PAM: variants seen among roughly 807,000 people sequenced by gnomAD.
The protein encoded by PAM is peptidylglycine alpha-amidating monooxygenase.
In PAM, 72 loss-of-function variants were observed where a neutral mutation model predicts 122.1. The observed-to-expected ratio is 0.59, with a 90% CI of 0.49 to 0.72. The LOEUF is 0.72. Among genes scored for constraint, PAM ranks in the 30% least tolerant of loss-of-function variants. PAM has a pLI of 0.00. For missense variants in PAM, 1,106 were observed against 1,183.7 expected, an observed-to-expected ratio of 0.93 and a Z score of 0.96; for synonymous variants, 389 against 404.4, an observed-to-expected ratio of 0.96 and a Z score of 0.46.
intron 7 of PAM, among the ~76,000 whole-genome samples, chr5:102,932,794 C>A (rs1348614330): frequency 6.6e-6 from 1 of 152,008 alleles, no homozygotes; most frequent in East Asian, 1.9e-4. Context: ...TCCCCTTCTC[C>A]CTTTTCTTCA....
In PAM at chr5:102,769,771, G is replaced by A. The variant is rs868288003; in HGVS notation, c.-374+14423G>A. Among the ~76,000 whole-genome samples, 3 of 152,100 alleles carry A rather than the reference G, an allele frequency of 2.0e-5. No individual in the cohort carries two copies. In the South Asian group the frequency reaches 6.2e-4, roughly 31 times the overall value. On this transcript the variant is annotated intron_variant, in intron 1 of 25. Coordinates refer to ENST00000438793, the MANE Select transcript of PAM (RefSeq NM_001177306.2). The stretch of plus-strand genomic sequence containing the variant: ...TTATTAGAGCTGTGTGGTATAATTT[G>A]AAGTCAGTTAATGTGATTCCTCTGG...
rs372626572 is a variant in PAM at position 102,950,416 on chromosome 5, G to GGGGTGTGTGTGTGTGTGTGT, written c.802-300_802-299insGGTGTGTGTGTGTGTGTGTG. Among the ~76,000 whole-genome samples, 283 of 146,056 alleles carry GGGGTGTGTGTGTGTGTGTGT rather than the reference G, an allele frequency of 1.9e-3. 2 individuals are homozygous for GGGGTGTGTGTGTGTGTGTGT. Among genetic ancestry groups the GGGGTGTGTGTGTGTGTGTGT allele is most frequent in the African/African-American group, 5.0e-3 (196 of 39,006 alleles). On this transcript the variant is annotated intron_variant, in intron 11 of 25. Coordinates refer to ENST00000438793, the MANE Select transcript of PAM (RefSeq NM_001177306.2). ...CAGTGATTATTTGTGTATGTGGGTGGGTGTGTGTGTGTGTGTGTGTGTGTC... is the reference window on the plus strand; with the variant it reads ...CAGTGATTATTTGTGTATGTGGGTGGGGGTGTGTGTGTGTGTGTGTGTGTGTGTGTGTGTGTGTGTGTGTC...
intron 9 of PAM, 73 bp downstream of exon 9, chr5:102,948,518 T>C: frequency 1.4e-6 from 1 of 717,496 alleles, no homozygotes; most frequent in South Asian, 1.8e-5. Flanking sequence ...TACTGTATTT[T>C]TTATAAACTT....
intron 1 of PAM, among the ~76,000 whole-genome samples, chr5:102,789,436 T>C (rs1427343178): frequency 6.6e-6 from 1 of 152,090 alleles, no homozygotes; most frequent in Non-Finnish European, 1.5e-5. Flanking sequence ...AATATGCATA[T>C]GATGTAATAT....
intron 3 of PAM, among the ~76,000 whole-genome samples, chr5:102,880,736 AAAATAC>A (rs1312548227): frequency 3.3e-5 from 5 of 152,094 alleles, no homozygotes; most frequent in East Asian, 1.9e-4. Flanking sequence ...AAATAGAATG[AAAATAC>A]AAATACAAAG....
intron 14 of PAM, among the ~76,000 whole-genome samples, chr5:102,969,391 C>T (rs998815733): frequency 1.3e-5 from 2 of 151,972 alleles, no homozygotes; most frequent in Non-Finnish European, 2.9e-5. Flanking sequence ...AGGGTGCCAT[C>T]AATCACACAT....
intron 1 of PAM, among the ~76,000 whole-genome samples, chr5:102,828,146 C>G (rs980407017): frequency 2.6e-5 from 4 of 151,914 alleles, no homozygotes; most frequent in African/African-American, 7.3e-5. Context: ...CAAGACGAGC[C>G]TGGGCAACAT....
At chr5:102,836,331 C>T (rs142078844) in intron 1 of PAM, among the ~76,000 whole-genome samples, 1 of 152,254 alleles carries the variant, frequency 6.6e-6, no homozygotes, top group Non-Finnish European at 1.5e-5. Flanking sequence ...GGCTATCAGT[C>T]TGACGAACTC....
chr5:102,875,277 C>G (rs1300814223), intron 3 of PAM, among the ~76,000 whole-genome samples: 1 of 152,074 alleles, frequency 6.6e-6, no homozygotes. Flanking sequence ...ACTGCTACCT[C>G]AACCTCCTGG....
At chr5:102,976,602 C>T (rs1433906621) in intron 15 of PAM, among the ~76,000 whole-genome samples, 2 of 152,138 alleles carry the variant, frequency 1.3e-5, no homozygotes, top group Non-Finnish European at 2.9e-5. Flanking sequence ...AACTGTTTCC[C>T]TAAGTGCCTA....
At chr5:103,008,183 T>TAATTCAGAC (rs1255561641) in intron 20 of PAM, among the ~76,000 whole-genome samples, 4 of 124,762 alleles carry the variant, frequency 3.2e-5, no homozygotes, top group African/African-American at 1.5e-4. Flanking sequence ...ATCTGAAAAA[T>TAATTCAGAC]AATTCAGACT....
intron 3 of PAM, among the ~76,000 whole-genome samples, chr5:102,885,018 G>A (rs912524786): frequency 1.3e-4 from 20 of 151,520 alleles, no homozygotes; most frequent in African/African-American, 4.9e-4. Context: ...AGAGATTGGA[G>A]TATTTCCTTT....
At chr5:102,849,419 A>G (rs189195503) in intron 1 of PAM, among the ~76,000 whole-genome samples, 1 of 151,938 alleles carries the variant, frequency 6.6e-6, no homozygotes, top group Non-Finnish European at 1.5e-5. Flanking sequence ...TTAGCTGGGC[A>G]TGGTGGCATG....
At chr5:102,873,945 T>C (rs1788342830) in intron 3 of PAM, 1 of 152,210 alleles carries the variant, frequency 6.6e-6, no homozygotes, top group Non-Finnish European at 1.5e-5. Flanking sequence ...ACATCCTAAT[T>C]CTAGACTAGC....
At chr5:103,001,395 T>C (rs1777323869) in intron 16 of PAM, among the ~76,000 whole-genome samples, 1 of 152,116 alleles carries the variant, frequency 6.6e-6, no homozygotes, top group Non-Finnish European at 1.5e-5. Context: ...CACATTTCAG[T>C]TGATAATGAC....
At chr5:102,783,230 CAAA>C (rs11329964) in intron 1 of PAM, among the ~76,000 whole-genome samples, 1,657 of 122,244 alleles carry the variant, frequency 0.014, 12 homozygotes, top group African/African-American at 0.019. Context: ...CCAGATTTAG[CAAA>C]AAAAAAAAAA....
chr5:102,829,934 T>A (rs1340813048), intron 1 of PAM, among the ~76,000 whole-genome samples: 4 of 152,258 alleles, frequency 2.6e-5, no homozygotes. Flanking sequence ...CTTTAAAAAA[T>A]TTCAGAATCT....
intron 5 of PAM, among the ~76,000 whole-genome samples, chr5:102,918,181 G>A (rs771834241): frequency 5.9e-5 from 9 of 152,162 alleles, no homozygotes; most frequent in African/African-American, 2.2e-4. Flanking sequence ...GAAAGTGACA[G>A]TACCTGTCAG....
chr5:102,969,271 C>A, intron 14 of PAM, among the ~76,000 whole-genome samples: 1 of 149,056 alleles, frequency 6.7e-6, no homozygotes. Context: ...AAAGTTAGTC[C>A]AGTGGAAAAA....
Sources: gnomAD v4.1 joint callset for allele counts (sites outside exome capture counted in the v4.1 genomes callset) on GRCh38, gnomAD v4.1.1 for gene constraint, MANE v1.5 for transcripts, NCBI Gene and HGNC (gene_info 2026-07-23, HGNC 2026-07-21) for gene names.